Variants in CCNY observed in about 807,000 individuals in gnomAD.
CCNY encodes the protein cyclin-Y.
CCNY carries 19 observed loss-of-function variants against 42.8 expected under a neutral mutation model. The ratio of observed to expected loss-of-function variants is 0.44; its 90% confidence interval spans 0.31 to 0.65. CCNY has a LOEUF of 0.65. Among genes scored for constraint, CCNY ranks in the 30% least tolerant of loss-of-function variants. CCNY has a pLI of 0.07. For synonymous variants in CCNY, 165 were observed against 162.7 expected, an observed-to-expected ratio of 1.01 and a Z score of -0.11; for missense variants, 370 against 437.3, an observed-to-expected ratio of 0.85 and a Z score of 1.37.
intron 2 of CCNY, among the ~76,000 whole-genome samples, chr10:35,249,765 T>C (rs1298068531): frequency 6.6e-6 from 1 of 152,170 alleles, no homozygotes; most frequent in Non-Finnish European, 1.5e-5. Flanking sequence ...GGATCTAAAG[T>C]GAGACGGAGT....
At chr10:35,370,763 T>C (rs1014405040) in intron 1 of CCNY, among the ~76,000 whole-genome samples, 1 of 151,774 alleles carries the variant, frequency 6.6e-6, no homozygotes, top group African/African-American at 2.4e-5. Context: ...TCGCCCAGGC[T>C]GGAGTGCAGT....
intron 1 of CCNY, among the ~76,000 whole-genome samples, chr10:35,428,222 G>T (rs1424971933): frequency 6.6e-6 from 1 of 152,204 alleles, no homozygotes; most frequent in Admixed American, 6.5e-5. Context: ...CCGAGATCAA[G>T]CCACCCCAAT....
chr10:35,416,160 C>CGTGTGTGT (rs57188309), intron 1 of CCNY, among the ~76,000 whole-genome samples: 2,029 of 144,568 alleles, frequency 0.014, 50 homozygotes, highest in African/African-American at 0.047. Context: ...TTGTGGCACC[C>CGTGTGTGT]GTGTGTGTGT....
chr10:35,303,258 G>A lies in CCNY; in HGVS notation c.-9+52632G>A, dbSNP rs187621286. ...TGCAATGGCATGACCTCGGCTCACCGCAACCTCCACCTCCTGGGTTCAAGC... is the reference window on the plus strand; with the variant it reads ...TGCAATGGCATGACCTCGGCTCACCACAACCTCCACCTCCTGGGTTCAAGC... On this transcript the variant is annotated intron_variant, in intron 3 of 11. Transcript: ENST00000374706. Among the ~76,000 whole-genome samples the A allele has an allele frequency of 6.8e-3, 1,028 of 151,798 alleles. 11 individuals are homozygous for A. Among genetic ancestry groups the A allele is most frequent in the African/African-American group, 0.024 (982 of 41,444 alleles).
intron 8 of CCNY, among the ~76,000 whole-genome samples, chr10:35,554,497 A>AT: frequency 6.6e-6 from 1 of 152,350 alleles, no homozygotes; most frequent in Admixed American, 6.5e-5. Context: ...TGTCATTCAT[A>AT]TCATAAAGGA....
intron 3 of CCNY, among the ~76,000 whole-genome samples, chr10:35,311,080 A>T (rs1835678174): frequency 6.6e-6 from 1 of 152,226 alleles, no homozygotes; most frequent in African/African-American, 2.4e-5. Context: ...TGGGAGGCTG[A>T]GGCAGGAGGA....
chr10:35,253,365 C>A (rs1449849400), intron 3 of CCNY, among the ~76,000 whole-genome samples: 6 of 151,652 alleles, frequency 4.0e-5, no homozygotes, highest in Non-Finnish European at 8.8e-5. Context: ...GCCTCCTACC[C>A]TAGCCTCCTG....
intron 2 of CCNY, 37 bp from the exon 3 acceptor site, chr10:35,501,464 G>T (rs772628126): frequency 6.2e-7 from 1 of 1,601,886 alleles, no homozygotes; most frequent in Non-Finnish European, 8.6e-7. Flanking sequence ...TGGCATGCAG[G>T]CATATAACAT....
At chr10:35,470,290 CAGAG>C (rs1839365740) in intron 1 of CCNY, among the ~76,000 whole-genome samples, 1 of 151,524 alleles carries the variant, frequency 6.6e-6, no homozygotes, top group Non-Finnish European at 1.5e-5. Flanking sequence ...GAGAGACCGA[CAGAG>C]GGAAGGAGAG....
At chr10:35,418,967 C>T (rs753405458) in intron 1 of CCNY, among the ~76,000 whole-genome samples, 6 of 152,088 alleles carry the variant, frequency 3.9e-5, no homozygotes, top group South Asian at 2.1e-4. Context: ...ATTATAGGCA[C>T]GCGCCACCAC....
chr10:35,554,361 TG>T (rs1236463729), intron 8 of CCNY, among the ~76,000 whole-genome samples: 3 of 152,222 alleles, frequency 2.0e-5, no homozygotes, highest in Non-Finnish European at 4.4e-5. Flanking sequence ...AATTTCATCC[TG>T]TGTCTTTAGT....
chr10:35,529,761 T>C (rs745612925), intron 5 of CCNY, among the ~76,000 whole-genome samples: 1 of 151,724 alleles, frequency 6.6e-6, no homozygotes, highest in Non-Finnish European at 1.5e-5. Context: ...TCCCAGCTAA[T>C]TGGAAGGCTG....
intron 7 of CCNY, among the ~76,000 whole-genome samples, chr10:35,547,806 G>A (rs1433172143): frequency 1.3e-5 from 2 of 152,116 alleles, no homozygotes; most frequent in African/African-American, 4.8e-5. Context: ...CACATACTGG[G>A]GATGAGATGA....
intron 1 of CCNY, among the ~76,000 whole-genome samples, chr10:35,395,740 C>T (rs1837510558): frequency 6.6e-6 from 1 of 152,200 alleles, no homozygotes; most frequent in African/African-American, 2.4e-5. Context: ...GAGAGAGACG[C>T]TGTCAGCGCC....
chr10:35,337,692 C>A (rs1440641932), intron 1 of CCNY, among the ~76,000 whole-genome samples: 1 of 152,136 alleles, frequency 6.6e-6, no homozygotes, highest in Non-Finnish European at 1.5e-5. Context: ...TTCCCCGGAA[C>A]CTTACAAATG....
At chr10:35,424,453 C>T (rs1281202663) in intron 1 of CCNY, among the ~76,000 whole-genome samples, 13 of 152,130 alleles carry the variant, frequency 8.5e-5, no homozygotes, top group Admixed American at 2.0e-4. Context: ...CTCGAACTGC[C>T]GACCTCAGGT....
intron 2 of CCNY, among the ~76,000 whole-genome samples, chr10:35,498,746 G>T (rs1454473380): frequency 6.6e-6 from 1 of 152,168 alleles, no homozygotes; most frequent in Non-Finnish European, 1.5e-5. Context: ...TGCATGTGTG[G>T]AAAATCTTCT....
At chr10:35,525,435 A>G (rs1243816536) in intron 4 of CCNY, among the ~76,000 whole-genome samples, 2 of 152,210 alleles carry the variant, frequency 1.3e-5, no homozygotes, top group Admixed American at 1.3e-4. Flanking sequence ...ATAAAATGTT[A>G]AGGTAGTGCT....
intron 7 of CCNY, among the ~76,000 whole-genome samples, chr10:35,543,922 T>G (rs755829414): frequency 1.3e-5 from 2 of 152,196 alleles, no homozygotes; most frequent in South Asian, 4.1e-4. Flanking sequence ...CAAAAAAGTT[T>G]AGAAATTAAA....
Sources: gnomAD v4.1 joint callset for allele counts (sites outside exome capture counted in the v4.1 genomes callset) on GRCh38, gnomAD v4.1.1 for gene constraint, MANE v1.5 for transcripts, NCBI Gene and HGNC (gene_info 2026-07-23, HGNC 2026-07-21) for gene names.